The following CNTNAP2 variants were observed in gnomAD, a reference collection of about 807,000 sequenced individuals.
The protein encoded by CNTNAP2 is contactin-associated protein-like 2.
A neutral mutation model predicts 155.2 loss-of-function variants in CNTNAP2; 98 were observed. The observed-to-expected ratio is 0.63, with a 90% CI of 0.54 to 0.75. The LOEUF (loss-of-function observed/expected upper bound fraction) is 0.75. Among genes scored for constraint, CNTNAP2 ranks in the 30% least tolerant of loss-of-function variants. CNTNAP2 has a pLI of 0.00. For synonymous variants in CNTNAP2, 651 were observed against 631.2 expected (o/e 1.03, Z -0.47); for missense variants, 1,727 against 1,688.1 (o/e 1.02, Z -0.40).
intron 4 of CNTNAP2, among the ~76,000 whole-genome samples, chr7:147,107,543 G>T (rs1367240106): frequency 6.6e-6 from 1 of 151,990 alleles, no homozygotes; most frequent in African/African-American, 2.4e-5. Context: ...GAGGTAATAA[G>T]AAATTTGAGA....
At chr7:147,756,456 A>G (rs1268959108) in intron 13 of CNTNAP2, among the ~76,000 whole-genome samples, 3 of 152,248 alleles carry the variant, frequency 2.0e-5, no homozygotes, top group African/African-American at 7.2e-5. Flanking sequence ...AGACAGTAGC[A>G]GAAAGTCACT....
Position 147,595,465 on chromosome 7 carries a change from A to T in CNTNAP2, c.1897+33208A>T, listed in dbSNP as rs149332712. Among the ~76,000 whole-genome samples the T allele has an allele frequency of 3.0e-3, 459 of 152,350 alleles. 4 individuals are homozygous for T. The highest frequency in any genetic ancestry group is 5.4e-3 in the Non-Finnish European group (368 of 68,032). On this transcript the variant is annotated intron_variant, in intron 12 of 23. Transcript: ENST00000361727. ...TATCCAACATGTAACTCATATTTAC[A>T]AATTGAAAAAGTTTCAGAATTTTTA...
intron 3 of CNTNAP2, among the ~76,000 whole-genome samples, chr7:147,004,211 C>G (rs1294875761): frequency 1.2e-5 from 1 of 82,068 alleles, no homozygotes; most frequent in African/African-American, 7.4e-5. Flanking sequence ...AACTCATATA[C>G]CAAAAAAAAA....
intron 6 of CNTNAP2, among the ~76,000 whole-genome samples, chr7:147,124,535 T>A (rs953073001): frequency 6.6e-6 from 1 of 152,192 alleles, no homozygotes. Flanking sequence ...AAGAGGTGCC[T>A]AATAGCACTA....
intron 3 of CNTNAP2, among the ~76,000 whole-genome samples, chr7:146,893,625 C>T (rs1462420196): frequency 3.3e-5 from 5 of 152,022 alleles, no homozygotes; most frequent in African/African-American, 9.7e-5. Flanking sequence ...GTTCTAGCTT[C>T]CGGTCCTGCA....
At chr7:147,616,419 A>G (rs1339438098) in intron 12 of CNTNAP2, among the ~76,000 whole-genome samples, 1 of 152,228 alleles carries the variant, frequency 6.6e-6, no homozygotes, top group African/African-American at 2.4e-5. Flanking sequence ...AGACTTTAAT[A>G]TGCCTTACAA....
intron 13 of CNTNAP2, among the ~76,000 whole-genome samples, chr7:147,812,458 G>A (rs1353964429): frequency 2.0e-5 from 3 of 149,976 alleles, no homozygotes; most frequent in Admixed American, 2.0e-4. Flanking sequence ...TTACAGTACA[G>A]AGTTCTTATA....
rs575015827 is a variant in CNTNAP2, at chr7:148,311,011, G to A, written c.3475+43885G>A. 1.2e-4 allele frequency among the ~76,000 whole-genome samples: 18 copies of A among 152,268 alleles called. No individual in the cohort carries two copies. In the East Asian group the frequency reaches 3.5e-3, roughly 29 times the overall value. On this transcript the variant is annotated intron_variant, in intron 21 of 23. Transcript: ENST00000361727. ...TCGAGAAGGTGAAAGATTACCTAAGGGAATTCCAGTAGGTCTTTGCTGAGA... is the reference window on the plus strand; with the variant it reads ...TCGAGAAGGTGAAAGATTACCTAAGAGAATTCCAGTAGGTCTTTGCTGAGA...
At chr7:146,240,903 G>A (rs977150807) in intron 1 of CNTNAP2, among the ~76,000 whole-genome samples, 2 of 152,100 alleles carry the variant, frequency 1.3e-5, no homozygotes, top group African/African-American at 2.4e-5. Context: ...GTACAAGTAC[G>A]GTGCTGGCAT....
intron 1 of CNTNAP2, among the ~76,000 whole-genome samples, chr7:146,125,581 C>CAAAAAAA (rs57234097): frequency 8.5e-5 from 5 of 58,862 alleles, no homozygotes; most frequent in African/African-American, 1.3e-4. Flanking sequence ...ACTCCGTCTC[C>CAAAAAAA]AAAAAAAAAA....
chr7:147,540,897 T>C (rs1208350068), intron 11 of CNTNAP2, among the ~76,000 whole-genome samples: 4 of 152,046 alleles, frequency 2.6e-5, no homozygotes, highest in Non-Finnish European at 4.4e-5. Flanking sequence ...GTCAGATTGG[T>C]GCAGCGTAAT....
At position 146,911,757 on chromosome 7, in the gene CNTNAP2, GTAAC is replaced by G. The variant is rs943347585; in HGVS notation, c.402+71858_402+71861del. On this transcript the variant is annotated intron_variant, in intron 3 of 23. Transcript: ENST00000361727. ...ACCAGCATGGCACATGTATACATAT[GTAAC>G]TAACCTGCACAATGTGCACATGTAC... Among the ~76,000 whole-genome samples the G allele has an allele frequency of 5.9e-5, 9 of 152,016 alleles. No individual in the cohort carries two copies. The East Asian group carries it at 9.7e-4, about 16-fold the overall frequency.
intron 9 of CNTNAP2, among the ~76,000 whole-genome samples, chr7:147,327,166 G>A (rs1189261735): frequency 6.6e-6 from 1 of 152,192 alleles, no homozygotes; most frequent in Non-Finnish European, 1.5e-5. Flanking sequence ...GCCCACAACA[G>A]AAATATTCAT....
intron 8 of CNTNAP2, among the ~76,000 whole-genome samples, chr7:147,195,886 C>A (rs1802788890): frequency 6.6e-6 from 1 of 152,052 alleles, no homozygotes; most frequent in African/African-American, 2.4e-5. Flanking sequence ...GTGTCTCTCC[C>A]ACCACAACAT....
intron 15 of CNTNAP2, among the ~76,000 whole-genome samples, chr7:148,009,944 A>G (rs988209619): frequency 1.3e-5 from 2 of 152,070 alleles, no homozygotes; most frequent in African/African-American, 4.8e-5. Context: ...ATGTGCAAGA[A>G]TTTCTCTAAG....
intron 13 of CNTNAP2, among the ~76,000 whole-genome samples, chr7:147,835,852 G>C (rs76003068): frequency 6.6e-6 from 1 of 152,302 alleles, no homozygotes; most frequent in Non-Finnish European, 1.5e-5. Flanking sequence ...TGTGAAGAGA[G>C]AGGAAGAGAT....
intron 1 of CNTNAP2, among the ~76,000 whole-genome samples, chr7:146,500,468 A>G (rs1797285205): frequency 6.6e-6 from 1 of 152,136 alleles, no homozygotes; most frequent in Non-Finnish European, 1.5e-5. Flanking sequence ...ATCCTGATAA[A>G]TGAGGGGCCT....
chr7:146,497,521 C>T (rs994101309), intron 1 of CNTNAP2, among the ~76,000 whole-genome samples: 8 of 151,964 alleles, frequency 5.3e-5, no homozygotes, highest in African/African-American at 1.9e-4. Flanking sequence ...TTCTTAGTTC[C>T]TGAGTCTACA....
At chr7:146,749,188 T>G (rs147805303) in intron 1 of CNTNAP2, among the ~76,000 whole-genome samples, 185 of 152,288 alleles carry the variant, frequency 1.2e-3, no homozygotes, top group African/African-American at 4.2e-3. Flanking sequence ...TTACTAAATA[T>G]GTATCTATAC....
Sources: allele counts gnomAD v4.1 joint callset (sites outside exome capture counted in the v4.1 genomes callset), GRCh38; gene constraint gnomAD v4.1.1; transcripts MANE v1.5; gene names NCBI Gene and HGNC (gene_info 2026-07-23, HGNC 2026-07-21).